The following NKAIN2 variants were observed in gnomAD, a reference collection of about 807,000 sequenced individuals.
NKAIN2 encodes the protein sodium/potassium-transporting ATPase subunit beta-1-interacting protein 2.
A neutral mutation model predicts 32.6 loss-of-function variants in NKAIN2; 14 were observed. The observed-to-expected ratio is 0.43, with a 90% CI of 0.28 to 0.67. The LOEUF is 0.67. Among genes scored for constraint, NKAIN2 ranks in the 30% least tolerant of loss-of-function variants. NKAIN2 has a pLI of 0.17. For missense variants in NKAIN2, 198 were observed against 258.3 expected (o/e 0.77, Z 1.60); for synonymous variants, 80 against 87.2 (o/e 0.92, Z 0.46).
At position 124,760,516 on chromosome 6, in the gene NKAIN2, G is replaced by C. The variant is rs191144053; in HGVS notation, c.475-30823G>C. Among the ~76,000 whole-genome samples, 18 of 151,936 alleles carry C rather than the reference G, an allele frequency of 1.2e-4. No homozygotes were observed. In the East Asian group the frequency reaches 3.5e-3, roughly 30 times the overall value. On this transcript the variant is annotated intron_variant, in intron 4 of 6. Transcript: ENST00000368417. ...TAAAAAAAGCTTCCAGGCGCTTCCA[G>C]AACAATCTTTCCTCAGTCCACTCTG...
At chr6:124,487,108 A>C (rs78979066) in intron 3 of NKAIN2, among the ~76,000 whole-genome samples, 2,133 of 152,068 alleles carry the variant, frequency 0.014, 51 homozygotes, top group African/African-American at 0.049. Context: ...TCCTGGAAAA[A>C]CTTAATGTCC....
intron 1 of NKAIN2, among the ~76,000 whole-genome samples, chr6:124,263,252 AT>A (rs1411996644): frequency 6.6e-6 from 1 of 152,186 alleles, no homozygotes; most frequent in Non-Finnish European, 1.5e-5. Context: ...TTATTTACTA[AT>A]ATCTATCAAT....
chr6:124,051,581 G>A (rs950419517), intron 1 of NKAIN2, among the ~76,000 whole-genome samples: 1 of 151,646 alleles, frequency 6.6e-6, no homozygotes, highest in Non-Finnish European at 1.5e-5. Flanking sequence ...CCGCTCCCCC[G>A]ACCCCACAAC....
intron 3 of NKAIN2, among the ~76,000 whole-genome samples, chr6:124,625,932 T>C (rs1047081015): frequency 6.6e-6 from 1 of 151,718 alleles, no homozygotes; most frequent in Non-Finnish European, 1.5e-5. Flanking sequence ...GACCAGTTTT[T>C]GTTTTTTTAA....
chr6:124,726,370 C>G (rs1239374338), intron 4 of NKAIN2, among the ~76,000 whole-genome samples: 1 of 152,224 alleles, frequency 6.6e-6, no homozygotes, highest in Non-Finnish European at 1.5e-5. Flanking sequence ...TGAGAACGGG[C>G]AGACTGCCTC....
At chr6:123,865,263 A>G (rs1429632587) in intron 1 of NKAIN2, among the ~76,000 whole-genome samples, 3 of 152,048 alleles carry the variant, frequency 2.0e-5, no homozygotes, top group Non-Finnish European at 4.4e-5. Flanking sequence ...AATTTTTTTC[A>G]AAGAGATAAA....
chr6:124,339,632 G>A (rs894801235), intron 2 of NKAIN2, among the ~76,000 whole-genome samples: 5 of 152,164 alleles, frequency 3.3e-5, no homozygotes, highest in African/African-American at 1.2e-4. Context: ...AAGGATACAG[G>A]TGGTTACATT....
chr6:123,921,960 A>C (rs558490161), intron 1 of NKAIN2, among the ~76,000 whole-genome samples: 1 of 152,120 alleles, frequency 6.6e-6, no homozygotes, highest in South Asian at 2.1e-4. Flanking sequence ...AATGTTGATG[A>C]ACTTTAGAGA....
At chr6:124,067,050 G>A (rs1160400180) in intron 1 of NKAIN2, among the ~76,000 whole-genome samples, 1 of 152,000 alleles carries the variant, frequency 6.6e-6, no homozygotes, top group Admixed American at 6.6e-5. Flanking sequence ...CTTGTAATGG[G>A]CATTTTCCAA....
At chr6:124,422,597 A>T (rs1210545821) in intron 3 of NKAIN2, among the ~76,000 whole-genome samples, 2 of 152,242 alleles carry the variant, frequency 1.3e-5, no homozygotes, top group Non-Finnish European at 2.9e-5. Context: ...ATTCATGCCT[A>T]ACTAATGAAT....
At chr6:123,980,979 C>T (rs1778866843) in intron 1 of NKAIN2, among the ~76,000 whole-genome samples, 1 of 151,984 alleles carries the variant, frequency 6.6e-6, no homozygotes, top group African/African-American at 2.4e-5. Flanking sequence ...AAGCTATTCC[C>T]CTGCCTCAGC....
chr6:124,197,920 A>T (rs1329142084), intron 1 of NKAIN2, among the ~76,000 whole-genome samples: 1 of 136,694 alleles, frequency 7.3e-6, no homozygotes, highest in African/African-American at 2.8e-5. Context: ...TTCCATTATT[A>T]TATAGCTCCA....
At chr6:124,617,885 A>C (rs536844800) in intron 3 of NKAIN2, among the ~76,000 whole-genome samples, 4 of 152,290 alleles carry the variant, frequency 2.6e-5, no homozygotes, top group African/African-American at 9.6e-5. Flanking sequence ...TAACCAGTTG[A>C]ATCTAGACCG....
intron 3 of NKAIN2, among the ~76,000 whole-genome samples, chr6:124,460,617 T>G (rs1199458552): frequency 6.6e-6 from 1 of 151,792 alleles, no homozygotes; most frequent in Non-Finnish European, 1.5e-5. Flanking sequence ...CACCATTCCT[T>G]TACAGATCAT....
intron 1 of NKAIN2, among the ~76,000 whole-genome samples, chr6:124,239,886 A>G (rs1279572834): frequency 2.0e-5 from 3 of 152,132 alleles, no homozygotes; most frequent in Non-Finnish European, 2.9e-5. Context: ...ACAAGAAATA[A>G]CTAAGATCAG....
At chr6:124,440,554 C>T (rs187185031) in intron 3 of NKAIN2, among the ~76,000 whole-genome samples, 4 of 151,996 alleles carry the variant, frequency 2.6e-5, no homozygotes, top group Non-Finnish European at 5.9e-5. Context: ...TTTCTACTTA[C>T]CATTAAAATT....
chr6:124,324,553 T>G (rs1219301865), intron 2 of NKAIN2, among the ~76,000 whole-genome samples: 3 of 152,144 alleles, frequency 2.0e-5, no homozygotes, highest in Non-Finnish European at 4.4e-5. Flanking sequence ...CTGATCTGTC[T>G]TTTAATTACT....
chr6:123,976,053 C>T (rs565022743), intron 1 of NKAIN2, among the ~76,000 whole-genome samples: 20 of 151,692 alleles, frequency 1.3e-4, no homozygotes, highest in Admixed American at 3.9e-4. Context: ...TTCCCCTGCA[C>T]ATGCTTTCTT....
intron 4 of NKAIN2, among the ~76,000 whole-genome samples, chr6:124,737,280 T>A (rs1341297031): frequency 6.6e-6 from 1 of 151,862 alleles, no homozygotes. Context: ...GCTGTTCTTG[T>A]GATAAGTCAA....
Sources: gnomAD v4.1 joint callset for allele counts (sites outside exome capture counted in the v4.1 genomes callset) on GRCh38, gnomAD v4.1.1 for gene constraint, MANE v1.5 for transcripts, NCBI Gene and HGNC (gene_info 2026-07-23, HGNC 2026-07-21) for gene names.